The following TYW1 variants were observed in gnomAD, a reference collection of about 807,000 sequenced individuals.
TYW1 encodes the protein tRNA-yW synthesizing protein 1 homolog, also known as S-adenosyl-L-methionine-dependent tRNA 4-demethylwyosine synthase TYW1.
In TYW1, 46 loss-of-function variants were observed where a neutral mutation model predicts 96.2. The observed-to-expected ratio is 0.48, with a 90% CI of 0.38 to 0.61. The LOEUF is 0.61. TYW1 is among the 20% of genes least tolerant of loss of function. The pLI is 0.00. For missense variants in TYW1, 684 were observed against 909.6 expected (o/e 0.75, Z 3.19); for synonymous variants, 274 against 323.0 (o/e 0.85, Z 1.63).
chr7:67,186,478 CTGAGA>C (rs929669080), intron 14 of TYW1, among the ~76,000 whole-genome samples: 20 of 151,856 alleles, frequency 1.3e-4, no homozygotes, highest in African/African-American at 4.8e-4. Flanking sequence ...CTGTCTATAG[CTGAGA>C]TGTTTTGTTT....
intron 14 of TYW1, among the ~76,000 whole-genome samples, chr7:67,184,320 G>A (rs968445935): frequency 6.6e-6 from 1 of 152,060 alleles, no homozygotes; most frequent in Non-Finnish European, 1.5e-5. Flanking sequence ...TGTGTATCCT[G>A]TGGATTGGTG....
chr7:67,108,691 C>T (rs1797311363), intron 12 of TYW1, among the ~76,000 whole-genome samples: 2 of 152,000 alleles, frequency 1.3e-5, no homozygotes, highest in Non-Finnish European at 2.9e-5. Flanking sequence ...CTTTGCCCGC[C>T]TTGGCCTCCC....
chr7:67,203,775 T>C (rs1800676352), intron 15 of TYW1, among the ~76,000 whole-genome samples: 1 of 152,208 alleles, frequency 6.6e-6, no homozygotes, highest in Admixed American at 6.5e-5. Flanking sequence ...ATCTTCCCCA[T>C]CTGTTTGAAG....
At chr7:67,222,877 T>TC (rs892371641) in intron 15 of TYW1, among the ~76,000 whole-genome samples, 4 of 150,666 alleles carry the variant, frequency 2.7e-5, no homozygotes, top group Non-Finnish European at 4.4e-5. Flanking sequence ...TTTTTTTTTT[T>TC]TTTTTTTTGC....
intron 7 of TYW1, among the ~76,000 whole-genome samples, chr7:67,047,006 A>C (rs1795207909): frequency 6.6e-6 from 1 of 152,198 alleles, no homozygotes; most frequent in Non-Finnish European, 1.5e-5. Flanking sequence ...GTCAGAGGCC[A>C]GTGTCATGGA....
intron 12 of TYW1, among the ~76,000 whole-genome samples, chr7:67,103,418 A>G (rs4718456): frequency 0.049 from 7,394 of 152,264 alleles, 309 homozygotes; most frequent in African/African-American, 0.12. Context: ...AATGATTAGG[A>G]TTGCCATGCT....
At chr7:67,210,991 A>G (rs1001567474) in intron 15 of TYW1, among the ~76,000 whole-genome samples, 3 of 150,508 alleles carry the variant, frequency 2.0e-5, no homozygotes, top group South Asian at 4.3e-4. Flanking sequence ...CTGTCTGTCT[A>G]TGTGTCTATA....
chr7:67,131,300 T>C (rs1245519851), intron 13 of TYW1, among the ~76,000 whole-genome samples: 32 of 152,214 alleles, frequency 2.1e-4, no homozygotes, highest in Non-Finnish European at 1.9e-4. Flanking sequence ...TTTGTTTGAA[T>C]TTTACAAAAT....
At chr7:67,208,319 T>TA (rs1800878195) in intron 15 of TYW1, among the ~76,000 whole-genome samples, 2 of 151,994 alleles carry the variant, frequency 1.3e-5, no homozygotes, top group South Asian at 4.2e-4. Flanking sequence ...AGACCTTGTC[T>TA]AAATAAAATA....
rs1157515780 is a variant in TYW1, at chr7:67,065,564, C to G, written c.1156-1721C>G. Among the ~76,000 whole-genome samples the G allele has an allele frequency of 2.0e-5, 3 of 151,508 alleles. No homozygotes were observed. The East Asian group carries it at 5.8e-4, about 29-fold the overall frequency. On this transcript the variant is annotated intron_variant, in intron 9 of 15. Coordinates refer to ENST00000359626, the MANE Select transcript of TYW1 (RefSeq NM_018264.4). ...GCTGCCTTGTACATTTTATTAGGAA[C>G]TTGGAAGAGGTTTGTAGGCACAGGT...
intron 13 of TYW1, among the ~76,000 whole-genome samples, chr7:67,180,384 GTTTA>G (rs1362510793): frequency 4.4e-5 from 3 of 68,628 alleles, no homozygotes; most frequent in Non-Finnish European, 8.5e-5. Context: ...AAAGCTGTTG[GTTTA>G]TATATATATA....
chr7:67,197,469 G>T (rs768647120), intron 15 of TYW1, among the ~76,000 whole-genome samples: 4 of 152,158 alleles, frequency 2.6e-5, no homozygotes, highest in Non-Finnish European at 4.4e-5. Context: ...GGGACTACAG[G>T]CGTGAGCCAC....
chr7:67,064,873 A>G (rs1294475483), intron 9 of TYW1, among the ~76,000 whole-genome samples: 4 of 152,234 alleles, frequency 2.6e-5, no homozygotes, highest in Non-Finnish European at 2.9e-5. Flanking sequence ...AAAGACCCAA[A>G]TACTGCTCCC....
At chr7:67,024,696 G>A (rs549539781) in intron 6 of TYW1, among the ~76,000 whole-genome samples, 5 of 151,988 alleles carry the variant, frequency 3.3e-5, no homozygotes, top group African/African-American at 1.2e-4. Context: ...CAGGAGAATG[G>A]CTTGAACCTG....
intron 10 of TYW1, among the ~76,000 whole-genome samples, chr7:67,078,733 C>T (rs1034923544): frequency 6.6e-6 from 1 of 152,022 alleles, no homozygotes; most frequent in Non-Finnish European, 1.5e-5. Context: ...CGCTCTGTCA[C>T]CCAGGCTGGA....
chr7:67,026,136 A>C (rs984492462), intron 7 of TYW1, among the ~76,000 whole-genome samples: 1 of 152,142 alleles, frequency 6.6e-6, no homozygotes, highest in African/African-American at 2.4e-5. Flanking sequence ...GCAGTGGTGC[A>C]ATCTCGGCTC....
chr7:67,015,010 T>TC, intron 5 of TYW1, among the ~76,000 whole-genome samples: 1 of 151,544 alleles, frequency 6.6e-6, no homozygotes, highest in East Asian at 1.9e-4. Flanking sequence ...TCTTCTGTTT[T>TC]TTTTTTTTTG....
intron 3 of TYW1, 39 bp downstream of exon 3, chr7:66,998,993 A>G (rs1793289279): frequency 6.2e-7 from 1 of 1,609,992 alleles, no homozygotes; most frequent in South Asian, 1.1e-5. Flanking sequence ...TGGTTTCCTG[A>G]CATTTTAAGA....
chr7:67,122,679 C>A (rs1797794429), intron 13 of TYW1, among the ~76,000 whole-genome samples: 1 of 152,138 alleles, frequency 6.6e-6, no homozygotes, highest in African/African-American at 2.4e-5. Flanking sequence ...TATCATTACA[C>A]TTCTCTGTGA....
Sources: allele counts gnomAD v4.1 joint callset (sites outside exome capture counted in the v4.1 genomes callset), GRCh38; gene constraint gnomAD v4.1.1; transcripts MANE v1.5; gene names NCBI Gene and HGNC (gene_info 2026-07-23, HGNC 2026-07-21).